Variants in ATXN7L1 observed in about 807,000 individuals in gnomAD.
ATXN7L1 encodes ataxin-7-like protein 1.
ATXN7L1 carries 15 observed loss-of-function variants against 70.8 expected under a neutral mutation model. The ratio of observed to expected loss-of-function variants is 0.21; its 90% CI spans 0.14 to 0.33. The LOEUF is 0.33. Ranked by LOEUF, ATXN7L1 falls within the 10% of genes least tolerant of loss-of-function variation. The pLI is 1.00. For missense variants in ATXN7L1, 975 were observed against 1,097.1 expected (o/e 0.89, Z 1.57); for synonymous variants, 440 against 445.1 (o/e 0.99, Z 0.14).
chr7:105,704,126 T>G (rs1230351383), intron 3 of ATXN7L1, among the ~76,000 whole-genome samples: 5 of 152,172 alleles, frequency 3.3e-5, no homozygotes, highest in Admixed American at 1.3e-4. Flanking sequence ...TTTAGGTTGG[T>G]CCACAACAAA....
chr7:105,797,119 G>A (rs372986563), intron 2 of ATXN7L1, among the ~76,000 whole-genome samples: 15 of 152,330 alleles, frequency 9.8e-5, no homozygotes, highest in East Asian at 5.8e-4. Flanking sequence ...GGGAGTGAGC[G>A]TGCGGGTGCG....
chr7:105,748,823 C>G (rs777627847), intron 3 of ATXN7L1, among the ~76,000 whole-genome samples: 7 of 152,166 alleles, frequency 4.6e-5, no homozygotes, highest in African/African-American at 7.2e-5. Flanking sequence ...ATAAGGAGAT[C>G]GTCAGGTGGT....
At chr7:105,640,969 C>G (rs575107493) in intron 5 of ATXN7L1, among the ~76,000 whole-genome samples, 9 of 152,306 alleles carry the variant, frequency 5.9e-5, no homozygotes, top group African/African-American at 2.2e-4. Context: ...AGGTTCCTAG[C>G]TGGAAAACTG....
chr7:105,662,739 C>T (rs1801911990), intron 4 of ATXN7L1, among the ~76,000 whole-genome samples: 1 of 152,176 alleles, frequency 6.6e-6, no homozygotes, highest in African/African-American at 2.4e-5. Flanking sequence ...TATCTTCACT[C>T]TGAGTCTGAA....
intron 3 of ATXN7L1, among the ~76,000 whole-genome samples, chr7:105,782,566 G>T (rs79301688): frequency 4.6e-5 from 7 of 152,332 alleles, no homozygotes; most frequent in African/African-American, 1.7e-4. Context: ...TGGGATGCCA[G>T]CATGGGGCAC....
chr7:105,818,891 G>GCA (rs1304079130), intron 2 of ATXN7L1, among the ~76,000 whole-genome samples: 1 of 125,748 alleles, frequency 8.0e-6, no homozygotes, highest in Non-Finnish European at 1.7e-5. Context: ...TCTACCCACT[G>GCA]CATTTTTTTT....
At chr7:105,609,770 T>A (rs1057085082) in intron 11 of ATXN7L1, among the ~76,000 whole-genome samples, 2 of 151,266 alleles carry the variant, frequency 1.3e-5, no homozygotes, top group African/African-American at 2.4e-5. Flanking sequence ...GGCAAGTCCC[T>A]TTTTTACAAT....
chr7:105,803,623 T>C (rs1807144100), intron 2 of ATXN7L1, among the ~76,000 whole-genome samples: 1 of 152,146 alleles, frequency 6.6e-6, no homozygotes, highest in Non-Finnish European at 1.5e-5. Flanking sequence ...TTTCAGGAGC[T>C]CTTAGGGGAC....
intron 3 of ATXN7L1, among the ~76,000 whole-genome samples, chr7:105,713,435 G>A (rs1018467866): frequency 1.2e-4 from 18 of 152,348 alleles, no homozygotes; most frequent in African/African-American, 1.9e-4. Flanking sequence ...AGCCCAATGC[G>A]TTGCAGGAAT....
At chr7:105,840,460 G>A (rs12673582) in intron 2 of ATXN7L1, among the ~76,000 whole-genome samples, 28,360 of 152,122 alleles carry the variant, frequency 0.19, 3,425 homozygotes, top group East Asian at 0.44. Context: ...AAAGCCTGGC[G>A]CCTTGAATGT....
intron 3 of ATXN7L1, among the ~76,000 whole-genome samples, chr7:105,781,764 C>T (rs589647): frequency 0.12 from 18,945 of 152,146 alleles, 1,480 homozygotes; most frequent in Admixed American, 0.18. Flanking sequence ...CATTTTAATA[C>T]GGAAACAGAA....
Position 105,642,940 on chromosome 7 carries a change from G to A in ATXN7L1, c.760C>T (p.Pro254Ser), listed in dbSNP as rs1264412497. The A allele has an allele frequency of 1.3e-6, 2 of 1,551,682 alleles. No individual in the cohort carries two copies. Among genetic ancestry groups the A allele is most frequent in the African/African-American group, 1.4e-5 (1 of 73,148 alleles). The change falls in exon 5 of 12, where the codon CCA becomes TCA. Residue 254 changes from proline to serine, a missense_variant. Physicochemically the swap from Pro to Ser is moderately conservative, Grantham distance 74. Around this residue, in one of 5 missense-constraint regions of ATXN7L1, gnomAD observed 192 missense variants for 215.5 expected, o/e 0.89. Transcript: ENST00000419735. ...CCTTTGCCATTTAAGATCTTCTCTG[G>A]TGAAGGTGGCACTGACTTGGACATC... ...VLMSKSVPPS[P>S]EKILNGKGIL...
intron 3 of ATXN7L1, among the ~76,000 whole-genome samples, chr7:105,704,392 G>A (rs888238519): frequency 6.6e-6 from 1 of 152,130 alleles, no homozygotes; most frequent in African/African-American, 2.4e-5. Flanking sequence ...TTCTGCTAAT[G>A]AGAACTGATC....
intron 2 of ATXN7L1, among the ~76,000 whole-genome samples, chr7:105,838,699 C>G (rs2116604938): frequency 6.6e-6 from 1 of 152,280 alleles, no homozygotes; most frequent in South Asian, 2.1e-4. Context: ...CCTGATTGTT[C>G]CACTCCTTTC....
At chr7:105,743,569 A>G (rs1341210140) in intron 3 of ATXN7L1, among the ~76,000 whole-genome samples, 1 of 141,346 alleles carries the variant, frequency 7.1e-6, no homozygotes, top group Non-Finnish European at 1.6e-5. Flanking sequence ...GGCGACACTG[A>G]GAAAGCAGAT....
chr7:105,682,183 G>C (rs1219267548), intron 3 of ATXN7L1, among the ~76,000 whole-genome samples: 2 of 151,990 alleles, frequency 1.3e-5, no homozygotes, highest in African/African-American at 2.4e-5. Flanking sequence ...CGAGATCACT[G>C]TACTCCATCC....
chr7:105,844,230 C>G (rs942333227), intron 2 of ATXN7L1, among the ~76,000 whole-genome samples: 9 of 152,128 alleles, frequency 5.9e-5, no homozygotes, highest in Non-Finnish European at 1.2e-4. Flanking sequence ...GACTGAGTCA[C>G]AAGGAACACT....
chr7:105,853,586 CA>C (rs556808865), intron 2 of ATXN7L1, among the ~76,000 whole-genome samples: 55 of 148,176 alleles, frequency 3.7e-4, no homozygotes, highest in African/African-American at 1.2e-3. Context: ...AACAAACAAA[CA>C]AAAAAAACAA....
intron 3 of ATXN7L1, chr7:105,760,061 C>A: frequency 2.6e-6 from 1 of 384,968 alleles, no homozygotes; most frequent in Non-Finnish European, 3.6e-6. Flanking sequence ...AATCAACAAG[C>A]CTCCTCCTAC....
Sources: allele counts gnomAD v4.1 joint callset (sites outside exome capture counted in the v4.1 genomes callset), GRCh38; gene constraint gnomAD v4.1.1; regional missense constraint gnomAD v4.1.1; transcripts MANE v1.5; gene names NCBI Gene and HGNC (gene_info 2026-07-23, HGNC 2026-07-21).